The following MID1 variants were observed in gnomAD, a reference collection of about 807,000 sequenced individuals.
The protein encoded by MID1 is midline 1.
Under a neutral mutation model 40.4 loss-of-function variants are expected in MID1, and 7 were observed. The observed-to-expected ratio is 0.17, with a 90% CI of 0.10 to 0.33. The LOEUF is 0.33. MID1 is among the 10% of genes least tolerant of loss of function. The probability of loss-of-function intolerance (pLI) is 1.00; values close to 1 mark genes in which losing one functional copy is unlikely to be tolerated. For missense variants in MID1, 367 were observed against 558.5 expected (o/e 0.66, Z 3.46); for synonymous variants, 229 against 221.2 (o/e 1.04, Z -0.31).
At chrX:10,623,934 C>T (rs879033431), upstream of MID1, among the ~76,000 whole-genome samples, 2 of 110,959 alleles carry the variant, frequency 1.8e-5, no homozygotes, top group Admixed American at 9.6e-5. Flanking sequence ...TATGGAATAC[C>T]GTGTTCGAAG....
intron 2 of MID1, among the ~76,000 whole-genome samples, chrX:10,544,574 A>G (rs888617545): frequency 8.9e-6 from 1 of 112,554 alleles, no homozygotes; most frequent in African/African-American, 3.2e-5. Flanking sequence ...ATATTGCTAC[A>G]TTTTAATATA....
At chrX:10,507,509 T>C (rs1451465198) in intron 3 of MID1, among the ~76,000 whole-genome samples, 3 of 112,747 alleles carry the variant, frequency 2.7e-5, no homozygotes, top group Non-Finnish European at 5.6e-5. Context: ...AAAAATAGTT[T>C]ATTCTGCAAA....
chrX:10,543,618 G>A (rs1443262541), intron 2 of MID1, among the ~76,000 whole-genome samples: 1 of 110,723 alleles, frequency 9.0e-6, no homozygotes, highest in Non-Finnish European at 1.9e-5. Context: ...TGAGGCGGGT[G>A]GATCACCTGA....
At chrX:10,475,498 A>G (rs1249023343) in intron 5 of MID1, among the ~76,000 whole-genome samples, 3 of 111,855 alleles carry the variant, frequency 2.7e-5, no homozygotes, top group Non-Finnish European at 5.6e-5. Context: ...ATCTCCTTCT[A>G]TGTACTCTCA....
At chrX:10,758,290 T>C (rs189803573) in intron 1 of MID1, among the ~76,000 whole-genome samples, 61 of 108,514 alleles carry the variant, frequency 5.6e-4, no homozygotes, top group Admixed American at 1.8e-3. Context: ...ATTCACTTTA[T>C]ATTTTGCATT....
At chrX:10,472,361 A>G (rs183184274) in intron 6 of MID1, among the ~76,000 whole-genome samples, 215 of 112,541 alleles carry the variant, frequency 1.9e-3, no homozygotes, top group African/African-American at 6.7e-3. Context: ...TCGGGATGAA[A>G]TATGGTGTAT....
chrX:10,765,399 G>C (rs1202490629), intron 1 of MID1, among the ~76,000 whole-genome samples: 1 of 112,444 alleles, frequency 8.9e-6, no homozygotes, highest in Non-Finnish European at 1.9e-5. Context: ...GCTAGACTTT[G>C]CAGTATATTC....
intron 3 of MID1, among the ~76,000 whole-genome samples, chrX:10,496,570 C>T (rs764924673): frequency 5.3e-5 from 6 of 112,665 alleles, no homozygotes; most frequent in African/African-American, 1.9e-4. Context: ...AACACAGCCA[C>T]AGGAGAAGTT....
chrX:10,513,310 C>CA (rs1323230278), intron 3 of MID1, among the ~76,000 whole-genome samples: 1 of 111,758 alleles, frequency 8.9e-6, no homozygotes, highest in Non-Finnish European at 1.9e-5. Flanking sequence ...GGTTCAGTAA[C>CA]AAAATGGTGG....
At chrX:10,763,270 C>G (rs1364394475) in intron 1 of MID1, among the ~76,000 whole-genome samples, 1 of 109,788 alleles carries the variant, frequency 9.1e-6, no homozygotes, top group Non-Finnish European at 1.9e-5. Flanking sequence ...CCCATCAACC[C>G]GTCATCTAAC....
intron 1 of MID1, among the ~76,000 whole-genome samples, chrX:10,671,395 T>C (rs2042986541): frequency 1.8e-5 from 2 of 112,184 alleles, no homozygotes; most frequent in Admixed American, 1.9e-4. Context: ...GAGATGATAA[T>C]GTTACTAGTG....
At position 10,630,176 on chromosome X, in the gene MID1, T is replaced by C. The variant is rs140007230; in HGVS notation, c.-186-9757A>G. On this transcript the variant is annotated intron_variant, in intron 1 of 10. Transcript: ENST00000380785. ...ACAAATAGGTTAAGTGCTGCTGTCA[T>C]GAGCATACCTTCTAGTGAAGGGAGA... 6.3e-5 allele frequency among the ~76,000 whole-genome samples: 7 copies of C among 111,997 alleles called. No homozygotes were observed. In the East Asian group the frequency reaches 2.0e-3, roughly 31 times the overall value.
At chrX:10,800,686 T>C (rs1168074964) in intron 1 of MID1, among the ~76,000 whole-genome samples, 1 of 111,687 alleles carries the variant, frequency 9.0e-6, no homozygotes, top group Non-Finnish European at 1.9e-5. Flanking sequence ...ACGTAGAAAA[T>C]TGGCTAAAAA....
At chrX:10,488,319 T>C (rs753421201) in intron 4 of MID1, among the ~76,000 whole-genome samples, 4 of 111,061 alleles carry the variant, frequency 3.6e-5, no homozygotes, top group Non-Finnish European at 7.5e-5. Context: ...AGCTTTCCTT[T>C]CTCTTGGTAA....
At chrX:10,531,054 G>T (rs1198742737) in intron 2 of MID1, among the ~76,000 whole-genome samples, 1 of 111,613 alleles carries the variant, frequency 9.0e-6, no homozygotes, top group African/African-American at 3.3e-5. Context: ...CACAGATCTG[G>T]CTTGTTTCAT....
Position 10,445,759 on chromosome X carries a change from C to T in MID1, c.*3609G>A, listed in dbSNP as rs923265697. 4 of 111,615 alleles carry T rather than the reference C, an allele frequency of 3.6e-5. No individual in the cohort carries two copies. The Admixed American group carries it at 3.8e-4, about 11-fold the overall frequency. 9.2% of individuals were successfully genotyped at this position (111,615 alleles called of 1,213,427 possible). ...GATACTTATCAGTGATTCCCATTTA[C>T]ACAGGCTTGGATTGCTTTTCAGATA... On this transcript the variant is annotated 3_prime_UTR_variant, in exon 10 of 10. Coordinates refer to ENST00000317552, the MANE Select transcript of MID1 (RefSeq NM_000381.4).
At chrX:10,622,815 T>G (rs1331398483), upstream of MID1, among the ~76,000 whole-genome samples, 2 of 111,245 alleles carry the variant, frequency 1.8e-5, no homozygotes, top group Non-Finnish European at 3.8e-5. Flanking sequence ...TCAGAAAACC[T>G]CTAAAAAAAA....
intron 1 of MID1, among the ~76,000 whole-genome samples, chrX:10,631,136 T>C (rs1463801409): frequency 8.9e-6 from 1 of 111,978 alleles, no homozygotes; most frequent in Non-Finnish European, 1.9e-5. Flanking sequence ...ATCAATGCAG[T>C]ATAGCACTGT....
At chrX:10,697,670 G>A (rs757851057) in intron 1 of MID1, among the ~76,000 whole-genome samples, 13 of 111,741 alleles carry the variant, frequency 1.2e-4, no homozygotes, top group Admixed American at 6.7e-4. Context: ...CTGGCATGGC[G>A]TCTGCGGGTG....
Sources: gnomAD v4.1 joint callset for allele counts (sites outside exome capture counted in the v4.1 genomes callset) on GRCh38, gnomAD v4.1.1 for gene constraint, MANE v1.5 for transcripts, NCBI Gene and HGNC (gene_info 2026-07-23, HGNC 2026-07-21) for gene names.